Variants in FHIP1A observed in about 807,000 individuals in gnomAD.
The protein encoded by FHIP1A is FHF complex subunit HOOK-interacting protein 1A.
In FHIP1A, 61 loss-of-function variants were observed where a neutral mutation model predicts 88.6. The observed-to-expected ratio is 0.69, with a 90% CI of 0.56 to 0.85. The LOEUF (loss-of-function observed/expected upper bound fraction) is 0.85. Ranked by LOEUF, FHIP1A falls within the 40% of genes least tolerant of loss-of-function variation. The pLI, the probability that FHIP1A is intolerant of heterozygous loss-of-function variation, is 0.00. For missense variants in FHIP1A, 1,154 were observed against 1,273.5 expected, an observed-to-expected ratio of 0.91 and a Z score of 1.43; for synonymous variants, 478 against 496.0, an observed-to-expected ratio of 0.96 and a Z score of 0.48.
chr4:151,474,020 G>A (rs925698780), intron 2 of FHIP1A, among the ~76,000 whole-genome samples: 23 of 152,188 alleles, frequency 1.5e-4, no homozygotes, highest in African/African-American at 5.3e-4. Context: ...TTTTTTGGTT[G>A]ATGTATTTTA....
intron 2 of FHIP1A, among the ~76,000 whole-genome samples, chr4:151,474,654 G>T (rs879340294): frequency 3.9e-5 from 6 of 152,176 alleles, no homozygotes; most frequent in Non-Finnish European, 8.8e-5. Flanking sequence ...TGGCTAGTCC[G>T]CTGGGAAATG....
At chr4:151,472,229 A>G (rs1339334426) in intron 2 of FHIP1A, among the ~76,000 whole-genome samples, 1 of 152,172 alleles carries the variant, frequency 6.6e-6, no homozygotes, top group Non-Finnish European at 1.5e-5. Context: ...TCTGATTTCA[A>G]AATAGCTTTG....
intron 9 of FHIP1A, among the ~76,000 whole-genome samples, chr4:151,643,619 C>G (rs1297282815): frequency 6.6e-6 from 1 of 152,138 alleles, no homozygotes. Context: ...CCTCTGTAAC[C>G]ACCATTCTAC....
At chr4:151,489,844 G>A (rs1011748988) in intron 3 of FHIP1A, among the ~76,000 whole-genome samples, 1 of 151,998 alleles carries the variant, frequency 6.6e-6, no homozygotes, top group South Asian at 2.1e-4. Context: ...GTTCAGACCC[G>A]CCTAACCCTG....
chr4:151,414,048 G>T (rs13110713), intron 1 of FHIP1A, among the ~76,000 whole-genome samples: 22 of 64,772 alleles, frequency 3.4e-4, no homozygotes, highest in African/African-American at 3.5e-4. Flanking sequence ...TCTAGTTAGT[G>T]TTTGTTTGTT....
chr4:151,418,115 T>TGACACAG (rs1732964147), intron 1 of FHIP1A, among the ~76,000 whole-genome samples: 1 of 136,740 alleles, frequency 7.3e-6, no homozygotes, highest in Admixed American at 8.3e-5. Context: ...GAGGCTGCAG[T>TGACACAG]GACACAGGAT....
chr4:151,562,585 C>T (rs1310335824), intron 3 of FHIP1A, among the ~76,000 whole-genome samples: 4 of 151,948 alleles, frequency 2.6e-5, no homozygotes, highest in Non-Finnish European at 5.9e-5. Flanking sequence ...ATTTCTTTCC[C>T]TTAAGAATTT....
intron 2 of FHIP1A, among the ~76,000 whole-genome samples, chr4:151,469,422 G>A (rs1729434963): frequency 6.6e-6 from 1 of 152,146 alleles, no homozygotes; most frequent in African/African-American, 2.4e-5. Context: ...TTTAAAATTT[G>A]ATACTGTGAG....
At chr4:151,538,003 G>T (rs1244556145) in intron 3 of FHIP1A, among the ~76,000 whole-genome samples, 1 of 152,192 alleles carries the variant, frequency 6.6e-6, no homozygotes, top group Admixed American at 6.5e-5. Flanking sequence ...TCCTGACCAG[G>T]AAGGATGGTG....
intron 1 of FHIP1A, among the ~76,000 whole-genome samples, chr4:151,429,811 T>C (rs930345778): frequency 7.2e-5 from 10 of 139,096 alleles, no homozygotes; most frequent in Non-Finnish European, 1.1e-4. Flanking sequence ...ATCGCACCAC[T>C]GCACTCCAGC....
chr4:151,414,934 G>A (rs987500498), intron 1 of FHIP1A, among the ~76,000 whole-genome samples: 1 of 152,044 alleles, frequency 6.6e-6, no homozygotes, highest in Non-Finnish European at 1.5e-5. Context: ...ACACTGCAAT[G>A]TTATATTCTG....
intron 3 of FHIP1A, among the ~76,000 whole-genome samples, chr4:151,542,128 C>T (rs1341633957): frequency 2.0e-5 from 3 of 152,080 alleles, no homozygotes; most frequent in Non-Finnish European, 4.4e-5. Flanking sequence ...TTCCCCTTCA[C>T]CCTTCAAAGT....
Position 151,626,549 on chromosome 4 carries a change from G to A in FHIP1A, c.979-3153G>A, listed in dbSNP as rs1016932503. On this transcript the variant is annotated intron_variant, in intron 7 of 13. Transcript: ENST00000435205. Reference sequence around the variant, plus strand: ...ATTTGTGGACACTGAGTTTTCTTTAGGTTATTTCAGTCATTGTGGCCCACC... The same window carrying A: ...ATTTGTGGACACTGAGTTTTCTTTAAGTTATTTCAGTCATTGTGGCCCACC... Among the ~76,000 whole-genome samples, 130 of 152,022 alleles carry A rather than the reference G, an allele frequency of 8.6e-4. 1 individual carries two copies. Among genetic ancestry groups the A allele is most frequent in the Non-Finnish European group, 2.9e-4 (20 of 67,990 alleles).
chr4:151,504,147 A>G (rs934389024), intron 3 of FHIP1A, among the ~76,000 whole-genome samples: 1 of 152,212 alleles, frequency 6.6e-6, no homozygotes, highest in Non-Finnish European at 1.5e-5. Context: ...ATTACCTTTT[A>G]AAATATATAT....
At chr4:151,455,857 A>G (rs576372598) in intron 2 of FHIP1A, among the ~76,000 whole-genome samples, 4 of 152,248 alleles carry the variant, frequency 2.6e-5, no homozygotes, top group Non-Finnish European at 5.9e-5. Flanking sequence ...TGAGAGCTAC[A>G]TTAAACTCTG....
chr4:151,583,179 C>A (rs777957779), intron 5 of FHIP1A, among the ~76,000 whole-genome samples: 3 of 152,160 alleles, frequency 2.0e-5, no homozygotes, highest in Non-Finnish European at 4.4e-5. Flanking sequence ...TGAGCGCAGT[C>A]TAGGAAGGGA....
intron 3 of FHIP1A, among the ~76,000 whole-genome samples, chr4:151,555,306 A>T (rs1467713110): frequency 6.6e-6 from 1 of 152,190 alleles, no homozygotes; most frequent in South Asian, 2.1e-4. Flanking sequence ...CTTGGGTAAG[A>T]ACATTTTAGA....
chr4:151,654,238 T>C (rs1026198050), intron 11 of FHIP1A, among the ~76,000 whole-genome samples: 16 of 152,208 alleles, frequency 1.1e-4, no homozygotes, highest in Admixed American at 2.6e-4. Context: ...CTACTGGCCT[T>C]GACCTAATGA....
At chr4:151,457,670 TAG>T (rs1729012968) in intron 2 of FHIP1A, among the ~76,000 whole-genome samples, 1 of 152,210 alleles carries the variant, frequency 6.6e-6, no homozygotes, top group Admixed American at 6.5e-5. Context: ...AGGTGTTTTT[TAG>T]TATACTGTCT....
Sources: allele counts gnomAD v4.1 joint callset (sites outside exome capture counted in the v4.1 genomes callset), GRCh38; gene constraint gnomAD v4.1.1; transcripts MANE v1.5; gene names NCBI Gene and HGNC (gene_info 2026-07-23, HGNC 2026-07-21).